The following ABI3BP variants were observed in gnomAD, a reference collection of about 807,000 sequenced individuals.
ABI3BP encodes the protein ABI family member 3 binding protein.
In ABI3BP, 216 loss-of-function variants were observed where a neutral mutation model predicts 268.6. That is an observed-to-expected ratio of 0.80 (90% CI 0.72 to 0.90). The LOEUF is 0.90. ABI3BP is among the 40% of genes least tolerant of loss of function. The probability of loss-of-function intolerance (pLI) is 0.00; values close to 1 mark genes in which losing one functional copy is unlikely to be tolerated. For synonymous variants in ABI3BP, 730 were observed against 730.0 expected (o/e 1.00, Z 0.00); for missense variants, 2,090 against 2,182.4 (o/e 0.96, Z 0.84).
intron 9 of ABI3BP, 69 bp downstream of exon 9, chr3:100,874,772 G>A: frequency 1.1e-6 from 1 of 932,308 alleles, no homozygotes. Context: ...AGATTCTTTG[G>A]ATTTCCTAAG....
At chr3:100,885,680 C>T (rs1369815077) in intron 5 of ABI3BP, 92 bp from the exon 6 acceptor site, 12 of 694,158 alleles carry the variant, frequency 1.7e-5, no homozygotes, top group Non-Finnish European at 2.9e-5. Context: ...TACAACTCAT[C>T]CTCTAACTTG....
intron 51 of ABI3BP, among the ~76,000 whole-genome samples, chr3:100,799,734 T>C (rs2097464862): frequency 6.6e-6 from 1 of 152,218 alleles, no homozygotes; most frequent in Admixed American, 6.6e-5. Context: ...AATATAACTA[T>C]GCTGCCTAAA....
At chr3:100,911,617 G>C (rs2153559718) in intron 2 of ABI3BP, 1 of 688,742 alleles carries the variant, frequency 1.5e-6, no homozygotes, top group African/African-American at 1.8e-5. Flanking sequence ...TTTACTGCTT[G>C]GCTAAAACCA....
Position 100,921,192 on chromosome 3 carries a change from C to T in ABI3BP, c.259+5110G>A, listed in dbSNP as rs376951283. 3.9e-5 allele frequency among the ~76,000 whole-genome samples: 6 copies of T among 152,274 alleles called. No homozygotes were observed. The South Asian group carries it at 1.2e-3, about 32-fold the overall frequency. ...TTGCACCCCATTGGAGTCCTAACAC[C>T]TGGTTGGAAGACAAACTCTTCAATC... is the stretch of plus-strand genomic sequence containing the variant. On this transcript the variant is annotated intron_variant, in intron 2 of 67. Coordinates refer to ENST00000471714, the MANE Select transcript of ABI3BP (RefSeq NM_001375547.2).
intron 2 of ABI3BP, among the ~76,000 whole-genome samples, chr3:100,922,945 A>G (rs2060732621): frequency 6.6e-6 from 1 of 152,236 alleles, no homozygotes; most frequent in African/African-American, 2.4e-5. Context: ...CAACCAAAAA[A>G]TAACATTTAA....
chr3:100,866,834 G>T, intron 10 of ABI3BP, 45 bp downstream of exon 10: 1 of 1,531,712 alleles, frequency 6.5e-7, no homozygotes, highest in Non-Finnish European at 9.0e-7. Context: ...TTGAAAAAAA[G>T]CATTTTTTCT....
chr3:100,861,818 C>T (rs56753531), intron 14 of ABI3BP, among the ~76,000 whole-genome samples: 8,711 of 152,194 alleles, frequency 0.057, 718 homozygotes, highest in African/African-American at 0.18. Flanking sequence ...GGTCTATTAT[C>T]AACCGCAAGG....
At chr3:100,843,744 A>G (rs1454423161) in intron 20 of ABI3BP, 2 of 982,702 alleles carry the variant, frequency 2.0e-6, no homozygotes, top group African/African-American at 3.5e-5. Flanking sequence ...ATGAAATACA[A>G]TAAATATCAA....
intron 11 of ABI3BP, chr3:100,864,425 T>G (rs2099029932): frequency 2.9e-6 from 1 of 340,690 alleles, no homozygotes; most frequent in Admixed American, 4.4e-5. Context: ...CATGACACTT[T>G]TGGGGATTCT....
intron 28 of ABI3BP, 48 bp downstream of exon 28, chr3:100,835,553 G>T (rs1477857383): frequency 7.1e-7 from 1 of 1,399,256 alleles, no homozygotes; most frequent in South Asian, 1.3e-5. Context: ...GAATAGACTA[G>T]ACAATGAGCA....
In ABI3BP at chr3:100,835,670, A is replaced by G; in HGVS notation, c.2132-10T>C. 1 of 1,531,040 alleles carries G rather than the reference A, an allele frequency of 6.5e-7. No individual in the cohort carries two copies. The highest frequency in any genetic ancestry group is 2.0e-5 in the Admixed American group (1 of 50,738). 94.8% of individuals were successfully genotyped at this position (1,531,040 alleles called of 1,614,324 possible). On this transcript the variant is annotated splice_polypyrimidine_tract_variant and intron_variant, in intron 27 of 67. Coordinates refer to ENST00000471714, the MANE Select transcript of ABI3BP (RefSeq NM_001375547.2). Reference sequence around the variant, plus strand: ...ATGTCTGTGGTGGGAACTAACCAAAAGCAATACAATAAACAATGGAGATTA... The same window carrying G: ...ATGTCTGTGGTGGGAACTAACCAAAGGCAATACAATAAACAATGGAGATTA...
At chr3:100,785,880 T>C (rs1049287774) in intron 57 of ABI3BP, among the ~76,000 whole-genome samples, 3 of 152,222 alleles carry the variant, frequency 2.0e-5, no homozygotes, top group Non-Finnish European at 4.4e-5. Context: ...TAGGTTGTTT[T>C]GTGCATATAA....
At chr3:100,942,195 T>C (rs1392078686) in intron 1 of ABI3BP, among the ~76,000 whole-genome samples, 1 of 152,096 alleles carries the variant, frequency 6.6e-6, no homozygotes, top group African/African-American at 2.4e-5. Flanking sequence ...TTCTAGTACA[T>C]TGGGTAGATG....
intron 2 of ABI3BP, among the ~76,000 whole-genome samples, chr3:100,903,736 C>T (rs1233747824): frequency 6.6e-6 from 1 of 152,214 alleles, no homozygotes; most frequent in East Asian, 1.9e-4. Context: ...ATGGGGACAA[C>T]CTGGCAACTC....
chr3:100,910,277 G>A (rs1358195917), intron 2 of ABI3BP, among the ~76,000 whole-genome samples: 1 of 152,092 alleles, frequency 6.6e-6, no homozygotes, highest in Non-Finnish European at 1.5e-5. Context: ...GGGGCAGGAG[G>A]AGGGATGACA....
chr3:100,911,070 A>G (rs2056243947), intron 2 of ABI3BP: 1 of 230,922 alleles, frequency 4.3e-6, no homozygotes, highest in Non-Finnish European at 8.6e-6. Context: ...GGTTACTACT[A>G]TCAGTATCTG....
At chr3:100,851,809 A>G in intron 15 of ABI3BP, 66 bp downstream of exon 15, 1 of 1,382,070 alleles carries the variant, frequency 7.2e-7, no homozygotes, top group Non-Finnish European at 9.9e-7. Flanking sequence ...TGCAAAAACT[A>G]AAGGAAGAAC....
chr3:100,985,141 CTTTTTTTTTTTT>C (rs1172049956), intron 1 of ABI3BP, among the ~76,000 whole-genome samples: 1 of 79,836 alleles, frequency 1.3e-5, no homozygotes, highest in Non-Finnish European at 2.4e-5. Context: ...CAGAAAAGCA[CTTTTTTTTTTTT>C]TTTTTTTTTT....
chr3:100,812,566 TGTAA>T (rs1427891806), intron 45 of ABI3BP, 43 bp from the exon 46 acceptor site: 6 of 1,239,198 alleles, frequency 4.8e-6, no homozygotes, highest in Admixed American at 3.8e-5. Context: ...AAGGATAGGT[TGTAA>T]GTATTTATAA....
Sources: gnomAD v4.1 joint callset for allele counts (sites outside exome capture counted in the v4.1 genomes callset) on GRCh38, gnomAD v4.1.1 for gene constraint, MANE v1.5 for transcripts, NCBI Gene and HGNC (gene_info 2026-07-23, HGNC 2026-07-21) for gene names.